The following GALNT13 variants were observed in gnomAD, a reference collection of about 807,000 sequenced individuals.
GALNT13 encodes polypeptide N-acetylgalactosaminyltransferase 13.
A neutral mutation model predicts 64.2 loss-of-function variants in GALNT13; 28 were observed. The ratio of observed to expected loss-of-function variants is 0.44; its 90% CI spans 0.32 to 0.60. The LOEUF is 0.60. GALNT13 is among the 20% of genes least tolerant of loss of function. GALNT13 has a pLI of 0.05. For missense variants in GALNT13, 577 were observed against 669.8 expected (o/e 0.86, Z 1.53); for synonymous variants, 214 against 224.6 (o/e 0.95, Z 0.42).
At chr2:153,957,270 A>T (rs1692626144) in intron 3 of GALNT13, among the ~76,000 whole-genome samples, 1 of 152,206 alleles carries the variant, frequency 6.6e-6, no homozygotes, top group African/African-American at 2.4e-5. Context: ...AAACAGGAAG[A>T]GGCAGGGAAA....
the GALNT13 span, among the ~76,000 whole-genome samples, chr2:153,694,553 G>C: frequency 2.0e-5 from 3 of 152,250 alleles, no homozygotes; most frequent in Admixed American, 6.5e-5. Context: ...TTTAGGAACA[G>C]ACACAACTAA....
At chr2:153,374,983 C>A in the GALNT13 span, among the ~76,000 whole-genome samples, 6 of 152,200 alleles carry the variant, frequency 3.9e-5, no homozygotes, top group Non-Finnish European at 8.8e-5. Context: ...CGACACTCCT[C>A]AAATCACGCA....
chr2:154,190,455 A>T (rs1301326590), intron 4 of GALNT13, among the ~76,000 whole-genome samples: 1 of 152,238 alleles, frequency 6.6e-6, no homozygotes, highest in Non-Finnish European at 1.5e-5. Context: ...AATGGAAAGT[A>T]TATTGTTTGA....
chr2:153,629,708 A>G, the GALNT13 span, among the ~76,000 whole-genome samples: 21 of 151,786 alleles, frequency 1.4e-4, no homozygotes, highest in Admixed American at 2.0e-4. Context: ...GAGTGAACAG[A>G]CAACCTACAG....
chr2:154,059,374 C>A (rs1700058802), intron 3 of GALNT13, among the ~76,000 whole-genome samples: 1 of 152,184 alleles, frequency 6.6e-6, no homozygotes, highest in South Asian at 2.1e-4. Context: ...AAGGTCTTCA[C>A]CATGGCTGCA....
At chr2:153,722,018 C>T in the GALNT13 span, among the ~76,000 whole-genome samples, 1 of 148,796 alleles carries the variant, frequency 6.7e-6, no homozygotes, top group Admixed American at 6.7e-5. Flanking sequence ...TTTTCAGCAC[C>T]ACACCACACC....
intron 4 of GALNT13, among the ~76,000 whole-genome samples, chr2:154,181,554 A>G (rs1472570088): frequency 6.6e-6 from 1 of 152,118 alleles, no homozygotes; most frequent in East Asian, 1.9e-4. Context: ...TTGCTTTTTG[A>G]AAAACAAGTT....
At chr2:154,204,820 T>C (rs1687353298) in intron 4 of GALNT13, among the ~76,000 whole-genome samples, 1 of 152,208 alleles carries the variant, frequency 6.6e-6, no homozygotes, top group Admixed American at 6.5e-5. Context: ...CCAGTACTAG[T>C]ATATTATTCC....
At chr2:153,405,257 G>A in the GALNT13 span, among the ~76,000 whole-genome samples, 1 of 152,180 alleles carries the variant, frequency 6.6e-6, no homozygotes, top group Non-Finnish European at 1.5e-5. Flanking sequence ...GTGAAGATTT[G>A]GAGGCAAAGC....
the GALNT13 span, among the ~76,000 whole-genome samples, chr2:153,373,856 G>C: frequency 1.3e-5 from 2 of 151,956 alleles, no homozygotes; most frequent in African/African-American, 4.8e-5. Context: ...AAATCATATA[G>C]CATTTGTCTA....
chr2:153,349,385 G>A, the GALNT13 span, among the ~76,000 whole-genome samples: 1 of 152,134 alleles, frequency 6.6e-6, no homozygotes, highest in Non-Finnish European at 1.5e-5. Flanking sequence ...ATCCTACAGT[G>A]CCTGGTGTTA....
chr2:153,573,300 T>C, the GALNT13 span, among the ~76,000 whole-genome samples: 1 of 152,054 alleles, frequency 6.6e-6, no homozygotes, highest in Non-Finnish European at 1.5e-5. Context: ...GGAATATCTT[T>C]TTCCATTTAT....
At chr2:153,295,952 ATTCTCAT>A in the GALNT13 span, among the ~76,000 whole-genome samples, 1 of 152,168 alleles carries the variant, frequency 6.6e-6, no homozygotes, top group African/African-American at 2.4e-5. Context: ...AGTCTGCTGA[ATTCTCAT>A]TTCTCTGTTT....
intron 8 of GALNT13, chr2:154,287,153 GC>G: frequency 6.8e-7 from 1 of 1,472,876 alleles, no homozygotes; most frequent in Non-Finnish European, 9.4e-7. Flanking sequence ...GTTCACAGAA[GC>G]GGTGGAAGCC....
chr2:154,114,574 T>C (rs1703175982), intron 3 of GALNT13, among the ~76,000 whole-genome samples: 1 of 150,678 alleles, frequency 6.6e-6, no homozygotes, highest in Non-Finnish European at 1.5e-5. Flanking sequence ...TTGTCAGTAG[T>C]GTAGTGGGGT....
chr2:153,431,403 C>A, the GALNT13 span, among the ~76,000 whole-genome samples: 1 of 150,764 alleles, frequency 6.6e-6, no homozygotes, highest in Admixed American at 6.6e-5. Flanking sequence ...AAATGACCAT[C>A]CTAAAATTGA....
chr2:153,515,228 G>C, the GALNT13 span, among the ~76,000 whole-genome samples: 3 of 152,040 alleles, frequency 2.0e-5, no homozygotes, highest in Non-Finnish European at 2.9e-5. Context: ...CACTTGATAG[G>C]TCATAGAAAC....
chr2:153,384,817 A>G, the GALNT13 span, among the ~76,000 whole-genome samples: 1 of 152,166 alleles, frequency 6.6e-6, no homozygotes, highest in Non-Finnish European at 1.5e-5. Context: ...TTAATTCAAA[A>G]GCTAGTTATT....
intron 10 of GALNT13, among the ~76,000 whole-genome samples, chr2:154,396,719 T>A (rs1212241412): frequency 1.3e-5 from 2 of 152,064 alleles, no homozygotes; most frequent in Admixed American, 1.3e-4. Flanking sequence ...CAATAGCCTC[T>A]AGAAAACTCT....
Sources: gnomAD v4.1 joint callset for allele counts (sites outside exome capture counted in the v4.1 genomes callset) on GRCh38, gnomAD v4.1.1 for gene constraint, MANE v1.5 for transcripts, NCBI Gene and HGNC (gene_info 2026-07-23, HGNC 2026-07-21) for gene names.